KCNH3: variants seen among roughly 807,000 people sequenced by gnomAD.
The protein encoded by KCNH3 is potassium voltage-gated channel subfamily H member 3.
Under a neutral mutation model 95.6 loss-of-function variants are expected in KCNH3, and 36 were observed. The ratio of observed to expected loss-of-function variants is 0.38; its 90% confidence interval spans 0.29 to 0.50. The LOEUF (loss-of-function observed/expected upper bound fraction) is 0.50, where lower values mean the gene tolerates loss of function less well. Among genes scored for constraint, KCNH3 ranks in the 20% least tolerant of loss-of-function variants. KCNH3 has a pLI of 0.95. For synonymous variants in KCNH3, 620 were observed against 646.3 expected (o/e 0.96, Z 0.62); for missense variants, 1,030 against 1,484.1 (o/e 0.69, Z 5.03).
rs1937793820 is a variant in KCNH3, at chr12:49,539,475, C to G, written c.59C>G (p.Thr20Arg). 1.3e-6 allele frequency: 2 copies of G among 1,587,500 alleles called. No homozygotes were observed. Among genetic ancestry groups the G allele is most frequent in the African/African-American group, 2.8e-5 (2 of 72,532 alleles). Residue 20 changes from threonine to arginine, a missense_variant, in exon 1 of 15, where the codon ACG becomes AGG. Thr to Arg is a moderately conservative substitution (Grantham distance 71). This residue lies in a region of KCNH3 where 26 missense variants were observed against 35.1 expected (regional missense o/e 0.74). Transcript: ENST00000257981. The surrounding 1 kb of genome is among the most constrained non-coding windows in gnomAD (Gnocchi z 6.7). ...PQNTFLDTIATRFDGTHSNFV... is the reference protein window; with the variant it reads ...PQNTFLDTIARRFDGTHSNFV... ...AACACCTTCCTGGACACCATCGCTA[C>G]GCGCTTCGACGGCACGCGTGAGTCC...
chr12:49,555,904 A>G lies in KCNH3; in HGVS notation c.2421A>G (p.Leu807=). ...CTCCCCCACGGGCCCTAGAGGGGCT[A>G]CGGCTGCCCCCCATGCCATGGAATG... The part of the protein sequence containing the change: ...PSAPPRALEG[L]RLPPMPWNVP... Residue 807 remains leucine, a synonymous_variant, in exon 12 of 15, where the codon CTA becomes CTG. Coordinates refer to ENST00000257981, the MANE Select transcript of KCNH3 (RefSeq NM_012284.3). The G allele has an allele frequency of 1.9e-6, 3 of 1,592,980 alleles. No homozygotes were observed. The highest frequency in any genetic ancestry group is 1.1e-5 in the South Asian group (1 of 88,764).
Position 49,557,787 on chromosome 12 carries a change from C to T in KCNH3, c.3086C>T (p.Pro1029Leu). 6.2e-7 allele frequency: 1 copy of T among 1,606,356 alleles called. No individual in the cohort carries two copies. The highest frequency in any genetic ancestry group is 8.5e-7 in the Non-Finnish European group (1 of 1,174,796). The change falls in exon 15 of 15, where the codon CCC becomes CTC. Residue 1029 changes from proline to leucine, a missense_variant. By Grantham distance (98) the Pro-to-Leu change is moderately conservative. This residue lies in a region of KCNH3 where 464 missense variants were observed against 493.2 expected (regional missense o/e 0.94). Transcript: ENST00000257981. The part of the protein sequence containing the change: ...PPSEEGARTG[P>L]AEPVSQAEAT... ...TCTGAGGAAGGGGCTAGGACTGGGC[C>T]CGCAGAGCCTGTGAGCCAGGCTGAG... is the stretch of plus-strand genomic sequence containing the variant.
At chr12:49,542,641 C>G (rs577862663) in intron 3 of KCNH3, 65 bp from the exon 4 acceptor site, 259 of 1,503,938 alleles carry the variant, frequency 1.7e-4, no homozygotes, top group Non-Finnish European at 2.2e-4. Flanking sequence ...TGTCCTACAC[C>G]TGACCCGGAG....
At chr12:49,543,035 G>A (rs1937929179) in intron 4 of KCNH3, among the ~76,000 whole-genome samples, 196 bp downstream of exon 4, 1 of 152,218 alleles carries the variant, frequency 6.6e-6, no homozygotes, top group Non-Finnish European at 1.5e-5. Flanking sequence ...AGGCAGATGG[G>A]CCTTGGTTCA....
chr12:49,541,852 C>T (rs978550790), intron 3 of KCNH3, 88 bp downstream of exon 3: 3 of 1,421,788 alleles, frequency 2.1e-6, no homozygotes, highest in Non-Finnish European at 2.9e-6. Flanking sequence ...CGGGGGTCCC[C>T]CATGCACCTG....
rs762889425 is a variant in KCNH3, at chr12:49,542,717, C to T, written c.457C>T (p.Arg153Cys). 1.3e-5 allele frequency: 20 copies of T among 1,578,052 alleles called. No homozygotes were observed. The highest frequency in any genetic ancestry group is 1.8e-5 in the Admixed American group (1 of 54,722). ...CTCTTCTTTCGCAGGTGGTGGCCGG[C>T]GCCGATATGGCCGGGCACGATCCAA... ...DRWKETGGGR[R>C]RYGRARSKGF... is the part of the protein sequence containing the mutation. The change falls in exon 4 of 15, where the codon CGC becomes TGC. Residue 153 changes from arginine to cysteine, a missense_variant. Around this residue, in one of 9 missense-constraint regions of KCNH3, gnomAD observed 92 missense variants for 92.7 expected, o/e 0.99. Transcript: ENST00000257981.
At chr12:49,555,409 T>C (rs951862503) in intron 11 of KCNH3, among the ~76,000 whole-genome samples, 1 of 147,424 alleles carries the variant, frequency 6.8e-6, no homozygotes, top group Non-Finnish European at 1.5e-5. Flanking sequence ...ATCACACCAC[T>C]GCACTCCAGC....
Position 49,553,972 on chromosome 12 carries a change from GTGTT to G in KCNH3, c.1919-360_1919-357del, listed in dbSNP as rs571624159. Among the ~76,000 whole-genome samples the G allele has an allele frequency of 2.7e-4, 41 of 152,344 alleles. No homozygotes were observed. In the South Asian group the frequency reaches 7.3e-3, roughly 27 times the overall value. ...CGCTGTAGGTAGAGATAGGGCCTGGGTGTTTGTTCTGACTTTTGCAGGGGATTCT... is the reference window on the plus strand; with the variant it reads ...CGCTGTAGGTAGAGATAGGGCCTGGGTGTTCTGACTTTTGCAGGGGATTCT... On this transcript the variant is annotated intron_variant, in intron 10 of 14. Transcript: ENST00000257981.
intron 9 of KCNH3, 61 bp downstream of exon 9, chr12:49,549,701 A>G (rs1373115833): frequency 1.4e-6 from 2 of 1,478,170 alleles, no homozygotes; most frequent in Non-Finnish European, 1.8e-6. Flanking sequence ...GCAATAGCCT[A>G]GAATTATCAG....
At chr12:49,543,773 C>CTGTTACAG in intron 5 of KCNH3, 142 bp from the exon 6 acceptor site, 1 of 1,175,490 alleles carries the variant, frequency 8.5e-7, no homozygotes, top group Non-Finnish European at 1.2e-6. Flanking sequence ...TGATGTCTAC[C>CTGTTACAG]TGTTACAGTT....
At chr12:49,548,718 T>C (rs1938151968) in intron 7 of KCNH3, among the ~76,000 whole-genome samples, 177 bp from the exon 8 acceptor site, 1 of 152,002 alleles carries the variant, frequency 6.6e-6, no homozygotes, top group Non-Finnish European at 1.5e-5. Context: ...GCTGGGGAAA[T>C]GGCAGACTCT....
chr12:49,550,043 T>TGGGCCCCC, intron 9 of KCNH3, 37 bp from the exon 10 acceptor site: 7 of 1,299,532 alleles, frequency 5.4e-6, no homozygotes, highest in Non-Finnish European at 5.3e-6. Context: ...CTTCTGCCAC[T>TGGGCCCCC]CCCAACCCCC....
chr12:49,545,403 CTTTTTTTTTT>C lies in KCNH3; in HGVS notation c.1189+1032_1189+1041del, dbSNP rs869243854. 1.5e-4 allele frequency among the ~76,000 whole-genome samples: 18 copies of C among 117,478 alleles called. No individual in the cohort carries two copies. In the East Asian group the frequency reaches 4.0e-3, roughly 26 times the overall value. 77.1% of individuals were successfully genotyped at this position (117,478 alleles called of 152,430 possible). A position where few individuals can be genotyped will look rare whatever the true frequency, so the allele number is the denominator to read the frequency against. ...TAGCCGGGTTTCCAGATGCAGGTGG[CTTTTTTTTTT>C]TTTTTTTTTTGAGCTGTCACTCAGG... is the stretch of plus-strand genomic sequence containing the variant. On this transcript the variant is annotated intron_variant, in intron 7 of 14. Coordinates refer to ENST00000257981, the MANE Select transcript of KCNH3 (RefSeq NM_012284.3).
chr12:49,543,432 T>C lies in KCNH3; in HGVS notation c.737T>C (p.Val246Ala). 6.2e-7 allele frequency: 1 copy of C among 1,607,706 alleles called. No homozygotes were observed. The highest frequency in any genetic ancestry group is 1.1e-5 in the South Asian group (1 of 91,086). Reference sequence around the variant, plus strand: ...GTGGCTGTCACTGTGCCCTACAGCGTGTGTGTGAGCACAGCACGGGAGCCC... The same window carrying C: ...GTGGCTGTCACTGTGCCCTACAGCGCGTGTGTGAGCACAGCACGGGAGCCC... ...LYVAVTVPYS[V>A]CVSTAREPSA... Residue 246 changes from valine (V) to alanine (A), a missense_variant, in exon 5 of 15, where the codon GTG becomes GCG. Val to Ala is a moderately conservative substitution (Grantham distance 64, BLOSUM62 0). Transcript: ENST00000257981.
intron 13 of KCNH3, 148 bp downstream of exon 13, chr12:49,556,624 C>A (rs759086979): frequency 1.4e-6 from 1 of 718,572 alleles, no homozygotes; most frequent in Non-Finnish European, 2.5e-6. Context: ...TGGTGTCGTG[C>A]GGGCAGGGGA....
intron 7 of KCNH3, among the ~76,000 whole-genome samples, chr12:49,544,659 G>A (rs561725157): frequency 4.6e-5 from 7 of 152,090 alleles, no homozygotes; most frequent in Admixed American, 3.3e-4. Flanking sequence ...CCCCTGCCCC[G>A]TTGGGAAGGC....
At chr12:49,557,106 G>T in intron 13 of KCNH3, 77 bp from the exon 14 acceptor site, 1 of 1,383,248 alleles carries the variant, frequency 7.2e-7, no homozygotes, top group Non-Finnish European at 1.0e-6. Flanking sequence ...TGCTCTAACT[G>T]GGGCAAGGCC....
At chr12:49,545,974 T>C (rs1592501721) in intron 7 of KCNH3, among the ~76,000 whole-genome samples, 1 of 150,824 alleles carries the variant, frequency 6.6e-6, no homozygotes, top group Non-Finnish European at 1.5e-5. Context: ...TGCTCTGGGG[T>C]CAGACGGCCA....
chr12:49,539,544 G>T lies in KCNH3; in HGVS notation c.76+52G>T. The T allele has an allele frequency of 2.0e-6, 3 of 1,503,920 alleles. No homozygotes were observed. The highest frequency in any genetic ancestry group is 2.7e-6 in the Non-Finnish European group (3 of 1,105,848). The allele number at this position is 1,503,920 out of a possible 1,614,324, so 93.2% of individuals were successfully genotyped here. ...CCCGGGCCGCCGGACCCTCGCCAGGGCTCCCGCCTTCCCCGAACCCCCAGC... is the reference window on the plus strand; with the variant it reads ...CCCGGGCCGCCGGACCCTCGCCAGGTCTCCCGCCTTCCCCGAACCCCCAGC... On this transcript the variant is annotated intron_variant, in intron 1 of 14. Coordinates refer to ENST00000257981, the MANE Select transcript of KCNH3 (RefSeq NM_012284.3). The surrounding 1 kb of genome is among the most constrained non-coding windows in gnomAD (Gnocchi z 6.7).
Sources: gnomAD v4.1 joint callset for allele counts (sites outside exome capture counted in the v4.1 genomes callset) on GRCh38, gnomAD v4.1.1 for gene constraint, gnomAD v4.1.1 regional missense constraint, Gnocchi (gnomAD v3.1) non-coding constraint, MANE v1.5 for transcripts, NCBI Gene and HGNC (gene_info 2026-07-23, HGNC 2026-07-21) for gene names.